Variants in ZCCHC7 observed in about 807,000 individuals in gnomAD.
The protein encoded by ZCCHC7 is zinc finger CCHC-type containing 7, also known as zinc finger CCHC domain-containing protein 7.
A neutral mutation model predicts 52.0 loss-of-function variants in ZCCHC7; 35 were observed. The observed-to-expected ratio is 0.67, with a 90% CI of 0.51 to 0.89. ZCCHC7 has a LOEUF of 0.89. Ranked by LOEUF, ZCCHC7 falls within the 40% of genes least tolerant of loss-of-function variation. The probability of loss-of-function intolerance (pLI) is 0.00; values close to 1 mark genes in which losing one functional copy is unlikely to be tolerated. For missense variants in ZCCHC7, 574 were observed against 649.1 expected (o/e 0.88, Z 1.26); for synonymous variants, 217 against 221.5 (o/e 0.98, Z 0.18).
At chr9:37,306,336 T>C (rs1372225955) in intron 5 of ZCCHC7, among the ~76,000 whole-genome samples, 1 of 152,182 alleles carries the variant, frequency 6.6e-6, no homozygotes, top group Admixed American at 6.5e-5. Flanking sequence ...CCTAAAGTGC[T>C]GGGATTGCAG....
At chr9:37,199,816 C>G (rs1823529831) in intron 2 of ZCCHC7, among the ~76,000 whole-genome samples, 1 of 152,144 alleles carries the variant, frequency 6.6e-6, no homozygotes, top group Admixed American at 6.5e-5. Flanking sequence ...CGCCATTCTC[C>G]TGCCTCAGCC....
chr9:37,194,903 G>A (rs979911309), intron 2 of ZCCHC7, among the ~76,000 whole-genome samples: 2 of 151,352 alleles, frequency 1.3e-5, no homozygotes, highest in African/African-American at 4.9e-5. Context: ...CTCTCAGGTG[G>A]GTATAGCAGA....
At chr9:37,121,965 G>C (rs1189357456) in intron 1 of ZCCHC7, among the ~76,000 whole-genome samples, 10 of 152,192 alleles carry the variant, frequency 6.6e-5, no homozygotes, top group Non-Finnish European at 2.9e-5. Flanking sequence ...TGTTTCAACT[G>C]TCCTGTCAGG....
intron 2 of ZCCHC7, among the ~76,000 whole-genome samples, chr9:37,292,660 A>C (rs1292595009): frequency 6.6e-6 from 1 of 152,218 alleles, no homozygotes; most frequent in Non-Finnish European, 1.5e-5. Flanking sequence ...AGTAAATACC[A>C]AAAGAAATAG....
chr9:37,183,197 G>C (rs917487753), intron 2 of ZCCHC7, among the ~76,000 whole-genome samples: 5 of 152,170 alleles, frequency 3.3e-5, no homozygotes, highest in African/African-American at 1.2e-4. Context: ...ATGTTCATGT[G>C]CTTGAAATTA....
intron 1 of ZCCHC7, among the ~76,000 whole-genome samples, chr9:37,121,245 G>A (rs927443181): frequency 6.6e-6 from 1 of 152,200 alleles, no homozygotes; most frequent in South Asian, 2.1e-4. Flanking sequence ...GGAGGCCTGG[G>A]TTCTAGCCGT....
chr9:37,340,977 A>C (rs1820599520), intron 6 of ZCCHC7, among the ~76,000 whole-genome samples: 1 of 152,194 alleles, frequency 6.6e-6, no homozygotes, highest in Admixed American at 6.5e-5. Flanking sequence ...GGAAGTTTTT[A>C]ACTACTGACA....
chr9:37,190,933 A>G (rs1449897408), intron 2 of ZCCHC7, among the ~76,000 whole-genome samples: 1 of 151,964 alleles, frequency 6.6e-6, no homozygotes, highest in Non-Finnish European at 1.5e-5. Context: ...GAGGTGGGAG[A>G]ATTGCTTGAA....
intron 2 of ZCCHC7, among the ~76,000 whole-genome samples, chr9:37,224,929 C>A (rs1305989770): frequency 6.6e-6 from 1 of 152,212 alleles, no homozygotes; most frequent in Non-Finnish European, 1.5e-5. Flanking sequence ...TACACCTATA[C>A]ATTTCTCTCT....
At chr9:37,180,170 G>A (rs1588437581) in intron 2 of ZCCHC7, among the ~76,000 whole-genome samples, 1 of 152,084 alleles carries the variant, frequency 6.6e-6, no homozygotes, top group Non-Finnish European at 1.5e-5. Context: ...AAATGTAATA[G>A]ACTAGATGTC....
intron 5 of ZCCHC7, among the ~76,000 whole-genome samples, chr9:37,312,713 A>C (rs1481118330): frequency 6.6e-6 from 1 of 152,244 alleles, no homozygotes; most frequent in Non-Finnish European, 1.5e-5. Context: ...GCCTGAGGCC[A>C]GGAGTTAGAG....
chr9:37,228,997 G>A (rs915568324), intron 2 of ZCCHC7, among the ~76,000 whole-genome samples: 2 of 151,844 alleles, frequency 1.3e-5, no homozygotes, highest in Non-Finnish European at 2.9e-5. Context: ...CACCATGCCC[G>A]GCTAATTTTT....
At chr9:37,170,026 T>G (rs928654673) in intron 2 of ZCCHC7, among the ~76,000 whole-genome samples, 10 of 151,592 alleles carry the variant, frequency 6.6e-5, no homozygotes, top group Admixed American at 5.9e-4. Flanking sequence ...ATTGTGCCAC[T>G]GCAATCCTTG....
chr9:37,320,085 G>C (rs1010240429), intron 5 of ZCCHC7, among the ~76,000 whole-genome samples: 9 of 152,020 alleles, frequency 5.9e-5, no homozygotes, highest in Admixed American at 4.6e-4. Flanking sequence ...TTTTGCTTTT[G>C]TTTTGTTTTT....
chr9:37,302,264 ATAAT>A (rs1829067915), intron 3 of ZCCHC7, 33 bp downstream of exon 3: 1 of 1,538,590 alleles, frequency 6.5e-7, no homozygotes. Context: ...ATTCAGAATA[ATAAT>A]TTCCTTTGCT....
chr9:37,122,801 G>C (rs1284959417), intron 1 of ZCCHC7, among the ~76,000 whole-genome samples: 2 of 152,220 alleles, frequency 1.3e-5, no homozygotes, highest in African/African-American at 4.8e-5. Context: ...CCCAGGCGTG[G>C]TGGCGCGTGC....
chr9:37,290,929 T>TA (rs1287055421), intron 2 of ZCCHC7, among the ~76,000 whole-genome samples: 4 of 152,162 alleles, frequency 2.6e-5, no homozygotes, highest in Non-Finnish European at 5.9e-5. Context: ...ATTAATTTTT[T>TA]AAAAAAACAG....
chr9:37,252,713 G>A (rs750632921), intron 2 of ZCCHC7, among the ~76,000 whole-genome samples: 4 of 152,108 alleles, frequency 2.6e-5, no homozygotes, highest in South Asian at 2.1e-4. Flanking sequence ...TCACCCTTAC[G>A]TCAGTCAGAG....
intron 2 of ZCCHC7, among the ~76,000 whole-genome samples, chr9:37,234,789 A>G (rs76711186): frequency 0.04 from 6,024 of 152,152 alleles, 378 homozygotes; most frequent in African/African-American, 0.13. Context: ...TCCAGGCCTT[A>G]TGTGTTTGTC....
Sources: allele counts gnomAD v4.1 joint callset (sites outside exome capture counted in the v4.1 genomes callset), GRCh38; gene constraint gnomAD v4.1.1; transcripts MANE v1.5; gene names NCBI Gene and HGNC (gene_info 2026-07-23, HGNC 2026-07-21).